MRPS11: variants seen among roughly 807,000 people sequenced by gnomAD.
MRPS11 encodes mitochondrial ribosomal protein S11.
Under a neutral mutation model 24.3 loss-of-function variants are expected in MRPS11, and 27 were observed. The observed-to-expected ratio is 1.11, with a 90% CI of 0.82 to 1.53. MRPS11 has a LOEUF of 1.53. Among genes scored for constraint, MRPS11 ranks in the 40% most tolerant of loss-of-function variants. MRPS11 has a pLI of 0.00. For synonymous variants in MRPS11, 104 were observed against 98.7 expected, an observed-to-expected ratio of 1.05 and a Z score of -0.32; for missense variants, 277 against 256.5, an observed-to-expected ratio of 1.08 and a Z score of -0.55.
At chr15:88,474,186 TAAAA>T (rs908343732) in intron 3 of MRPS11, among the ~76,000 whole-genome samples, 2 of 147,760 alleles carry the variant, frequency 1.4e-5, no homozygotes, top group African/African-American at 5.2e-5. Context: ...CACAAAAAAA[TAAAA>T]AAGAAAAAAA....
chr15:88,468,031 C>A lies in MRPS11; in HGVS notation c.182+7C>A. 1 of 1,596,478 alleles carries A rather than the reference C, an allele frequency of 6.3e-7. No homozygotes were observed. Among genetic ancestry groups the A allele is most frequent in the South Asian group, 1.1e-5 (1 of 88,534 alleles). On this transcript the variant is annotated splice_region_variant and intron_variant, in intron 2 of 5. Coordinates refer to ENST00000325844, the MANE Select transcript of MRPS11 (RefSeq NM_022839.5). ...CCAGCCACACCAAGTTCAGGTGAGCCCCACTTGGACCAGCCCTCTGGAGAC... is the reference window on the plus strand; with the variant it reads ...CCAGCCACACCAAGTTCAGGTGAGCACCACTTGGACCAGCCCTCTGGAGAC...
intron 2 of MRPS11, among the ~76,000 whole-genome samples, chr15:88,470,448 T>C (rs1169553550): frequency 2.0e-5 from 3 of 152,144 alleles, no homozygotes; most frequent in Admixed American, 2.0e-4. Context: ...TAAATGTAGA[T>C]GAAGAGAAGA....
intron 2 of MRPS11, chr15:88,468,384 AT>A: frequency 9.0e-7 from 1 of 1,111,040 alleles, no homozygotes; most frequent in East Asian, 6.4e-5. Context: ...GGCGCTAGCG[AT>A]GGAACAGATG....
chr15:88,470,518 A>G (rs1328182808), intron 2 of MRPS11, among the ~76,000 whole-genome samples: 1 of 152,214 alleles, frequency 6.6e-6, no homozygotes, highest in African/African-American at 2.4e-5. Context: ...ACTAGGAAGA[A>G]CCATCAGAAG....
At chr15:88,473,928 A>T (rs1049819876) in intron 3 of MRPS11, among the ~76,000 whole-genome samples, 1 of 152,252 alleles carries the variant, frequency 6.6e-6, no homozygotes, top group African/African-American at 2.4e-5. Flanking sequence ...AGTGGCTCAC[A>T]CCTATAATCC....
rs754371217 is a variant in MRPS11, at chr15:88,475,917, A to G, written c.411+678A>G. ...GGTTGCAGTGACTCGAGATCACACC[A>G]CTGCACTCCAGCCTGGTGACAGAGC... On this transcript the variant is annotated intron_variant, in intron 4 of 5. Transcript: ENST00000325844. This position sits in a 1 kb window ranked among gnomAD's most constrained non-coding sequence, Gnocchi z 4.1. Among the ~76,000 whole-genome samples the G allele has an allele frequency of 8.5e-5, 13 of 152,148 alleles. No individual in the cohort carries two copies. The highest frequency in any genetic ancestry group is 1.2e-4 in the African/African-American group (5 of 41,432).
chr15:88,475,200 A>G lies in MRPS11; in HGVS notation c.372A>G (p.Thr124=), dbSNP rs1419104153. 2.5e-6 allele frequency: 4 copies of G among 1,614,136 alleles called. No individual in the cohort carries two copies. Among genetic ancestry groups the G allele is most frequent in the Middle Eastern group, 1.6e-4 (1 of 6,084 alleles). The change falls in exon 4 of 6, where the codon ACA becomes ACG. Residue 124 remains threonine, a synonymous_variant. Transcript: ENST00000325844. The surrounding 1 kb of genome is among the most constrained non-coding windows in gnomAD (Gnocchi z 4.1). ...GATTTCGGAATGCCAAGAAGGGCAC[A>G]GGCATCGCAGCACAGACAGCAGGCA... ...TEGFRNAKKG[T]GIAAQTAGIA...
rs1166511149 is a variant in MRPS11, at chr15:88,479,979, C to T, written c.*2000C>T. On this transcript the variant is annotated 3_prime_UTR_variant, in exon 6 of 6. Coordinates refer to ENST00000325844, the MANE Select transcript of MRPS11 (RefSeq NM_022839.5). ...GAGCTGCCACAGCAGCAGAGTGCAC[C>T]TCTGCCAAAACCATGGCCTGAGGGA... 1 of 152,310 alleles carries T rather than the reference C, an allele frequency of 6.6e-6. No individual in the cohort carries two copies. Among genetic ancestry groups the T allele is most frequent in the Non-Finnish European group, 1.5e-5 (1 of 68,122 alleles). 9.4% of individuals were successfully genotyped at this position (152,310 alleles called of 1,614,324 possible).
intron 1 of MRPS11, 32 bp downstream of exon 1, chr15:88,467,814 C>G (rs1027692730): frequency 6.2e-7 from 1 of 1,613,818 alleles, no homozygotes; most frequent in Non-Finnish European, 8.5e-7. Context: ...GAGCCCACCG[C>G]CACCTCCAGG....
chr15:88,470,641 G>C (rs1325878331), intron 2 of MRPS11, among the ~76,000 whole-genome samples: 1 of 152,202 alleles, frequency 6.6e-6, no homozygotes, highest in Admixed American at 6.5e-5. Flanking sequence ...GTGATAGGTT[G>C]CTAGATCAAT....
rs745576121 is a variant in MRPS11 at position 88,475,146 on chromosome 15, C to T, written c.318C>T (p.Pro106=). Residue 106 remains proline (P), a synonymous_variant, in exon 4 of 6, where the codon CCC becomes CCT. Coordinates refer to ENST00000325844, the MANE Select transcript of MRPS11 (RefSeq NM_022839.5). The surrounding 1 kb of genome is among the most constrained non-coding windows in gnomAD (Gnocchi z 4.1). ...AGGTAGTCTCTGCTAGTAATGAGCCCCTTGCCTTTGCTTCCTGTGGCACAG... is the reference window on the plus strand; with the variant it reads ...AGGTAGTCTCTGCTAGTAATGAGCCTCTTGCCTTTGCTTCCTGTGGCACAG... ...QIQVVSASNE[P]LAFASCGTEG... 14 of 1,614,102 alleles carry T rather than the reference C, an allele frequency of 8.7e-6. No homozygotes were observed. In the South Asian group the frequency reaches 1.5e-4, roughly 18 times the overall value.
chr15:88,476,714 A>G, intron 4 of MRPS11: 1 of 357,426 alleles, frequency 2.8e-6, no homozygotes, highest in Non-Finnish European at 5.1e-6. Context: ...TGCCCCCCTG[A>G]GAAAAACCTG....
chr15:88,475,212 A>G lies in MRPS11; in HGVS notation c.384A>G (p.Ala128=). The change falls in exon 4 of 6, where the codon GCA becomes GCG. Residue 128 remains alanine (A), a synonymous_variant. Transcript: ENST00000325844. The surrounding 1 kb of genome is among the most constrained non-coding windows in gnomAD (Gnocchi z 4.1). The part of the protein sequence containing the change: ...RNAKKGTGIA[A]QTAGIAAAAR... Reference sequence around the variant, plus strand: ...CCAAGAAGGGCACAGGCATCGCAGCACAGACAGCAGGCATAGCCGCAGCGG... The same window carrying G: ...CCAAGAAGGGCACAGGCATCGCAGCGCAGACAGCAGGCATAGCCGCAGCGG... 6.2e-7 allele frequency: 1 copy of G among 1,614,234 alleles called. No individual in the cohort carries two copies. The highest frequency in any genetic ancestry group is 8.5e-7 in the Non-Finnish European group (1 of 1,180,042).
intron 3 of MRPS11, 34 bp downstream of exon 3, chr15:88,472,759 C>T (rs372344356): frequency 3.6e-5 from 56 of 1,538,968 alleles, no homozygotes; most frequent in Non-Finnish European, 4.6e-5. Context: ...GCAGGTCTAG[C>T]GTGAGATTCT....
Position 88,467,721 on chromosome 15 carries a change from C to T in MRPS11, c.4C>T (p.Gln2Ter). The T allele has an allele frequency of 6.2e-7, 1 of 1,614,134 alleles. No homozygotes were observed. Among genetic ancestry groups the T allele is most frequent in the Admixed American group, 1.7e-5 (1 of 60,028 alleles). ...CTGACTGGGGTCAATTCAAGTCATG[C>T]AGGCTGTGAGAAACGCGGGGTCGCG... is the stretch of plus-strand genomic sequence containing the variant. The part of the protein sequence containing the change: M[Q>*]AVRNAGSRFL... The change falls in exon 1 of 6, where the codon CAG (glutamine) becomes TAG (stop). Residue 2 changes from glutamine (Q) to a stop codon, truncating the protein, a stop_gained. Coordinates refer to ENST00000325844, the MANE Select transcript of MRPS11 (RefSeq NM_022839.5). LOFTEE classifies it high-confidence loss of function.
At chr15:88,473,661 C>T (rs1337538953) in intron 3 of MRPS11, among the ~76,000 whole-genome samples, 1 of 152,122 alleles carries the variant, frequency 6.6e-6, no homozygotes, top group Non-Finnish European at 1.5e-5. Context: ...ACCCTAGAAG[C>T]TCTGGTAGGG....
chr15:88,474,568 A>G (rs1212028915), intron 3 of MRPS11, among the ~76,000 whole-genome samples: 1 of 152,210 alleles, frequency 6.6e-6, no homozygotes, highest in Non-Finnish European at 1.5e-5. Flanking sequence ...TCAAAAAAAA[A>G]AAAGTAGCCA....
In MRPS11 at chr15:88,467,953, T is replaced by A. The variant is rs370586235; in HGVS notation, c.111T>A (p.Ala37=). The A allele has an allele frequency of 1.2e-6, 2 of 1,613,266 alleles. No homozygotes were observed. The highest frequency in any genetic ancestry group is 1.7e-6 in the Non-Finnish European group (2 of 1,179,914). ...RTPAGTICTG[A]RQLQDAAAKQ... The stretch of plus-strand genomic sequence containing the variant: ...CGGCCGGGACCATCTGCACAGGCGC[T>A]CGACAGCTCCAAGACGCTGCGGCCA... The change falls in exon 2 of 6, where the codon GCT becomes GCA. Residue 37 remains alanine, a synonymous_variant. Coordinates refer to ENST00000325844, the MANE Select transcript of MRPS11 (RefSeq NM_022839.5).
rs112728332 is a variant in MRPS11 at position 88,468,066 on chromosome 15, C to T, written c.182+42C>T. 4.5e-5 allele frequency: 71 copies of T among 1,564,756 alleles called. No homozygotes were observed. The African/African-American group carries it at 8.4e-4, about 19-fold the overall frequency. On this transcript the variant is annotated intron_variant, in intron 2 of 5. Transcript: ENST00000325844. ...CCAGCCCTCTGGAGACCCGCAACCCCTGACTCTTGCCCGACACCCTCCAGA... is the reference window on the plus strand; with the variant it reads ...CCAGCCCTCTGGAGACCCGCAACCCTTGACTCTTGCCCGACACCCTCCAGA...
Sources: gnomAD v4.1 joint callset for allele counts (sites outside exome capture counted in the v4.1 genomes callset) on GRCh38, gnomAD v4.1.1 for gene constraint, Gnocchi (gnomAD v3.1) non-coding constraint, MANE v1.5 for transcripts, NCBI Gene and HGNC (gene_info 2026-07-23, HGNC 2026-07-21) for gene names.